The following PLCB1 variants were observed in gnomAD, a reference collection of about 807,000 sequenced individuals.
The protein encoded by PLCB1 is 1-phosphatidylinositol 4,5-bisphosphate phosphodiesterase beta-1.
PLCB1 carries 46 observed loss-of-function variants against 161.8 expected under a neutral mutation model. The observed-to-expected ratio is 0.28, with a 90% CI of 0.22 to 0.36. The LOEUF (loss-of-function observed/expected upper bound fraction) is 0.36, where lower values mean the gene tolerates loss of function less well. PLCB1 is among the 10% of genes least tolerant of loss of function. PLCB1 has a pLI of 1.00. For synonymous variants in PLCB1, 517 were observed against 503.7 expected (o/e 1.03, Z -0.35); for missense variants, 1,016 against 1,472.5 (o/e 0.69, Z 5.07).
At chr20:8,287,426 C>T (rs1983171261) in intron 2 of PLCB1, among the ~76,000 whole-genome samples, 1 of 151,928 alleles carries the variant, frequency 6.6e-6, no homozygotes, top group African/African-American at 2.4e-5. Flanking sequence ...TAACTGCCAC[C>T]CCCAATACCT....
At chr20:8,761,288 T>C (rs1982010954) in intron 25 of PLCB1, among the ~76,000 whole-genome samples, 1 of 152,206 alleles carries the variant, frequency 6.6e-6, no homozygotes, top group Admixed American at 6.5e-5. Flanking sequence ...ATTTGGATTA[T>C]ACTTGGTGGG....
At chr20:8,702,509 G>A (rs568087128) in intron 11 of PLCB1, among the ~76,000 whole-genome samples, 79 of 152,278 alleles carry the variant, frequency 5.2e-4, no homozygotes, top group Middle Eastern at 6.8e-3. Flanking sequence ...TTCATTCCCT[G>A]AGAAAAACAA....
chr20:8,814,357 C>T (rs1303631059), intron 31 of PLCB1, among the ~76,000 whole-genome samples: 5 of 152,120 alleles, frequency 3.3e-5, no homozygotes, highest in Admixed American at 2.0e-4. Context: ...TATTACATTT[C>T]GAGAATGAAT....
At chr20:8,659,119 T>C (rs1162166505) in intron 9 of PLCB1, among the ~76,000 whole-genome samples, 1 of 152,120 alleles carries the variant, frequency 6.6e-6, no homozygotes, top group Non-Finnish European at 1.5e-5. Flanking sequence ...CCTTATCTTT[T>C]TCCAGTATAT....
intron 2 of PLCB1, among the ~76,000 whole-genome samples, chr20:8,272,701 G>A (rs904880727): frequency 1.3e-5 from 2 of 152,134 alleles, no homozygotes; most frequent in African/African-American, 2.4e-5. Flanking sequence ...CTAAGGAAAT[G>A]TCCTCGCACC....
At chr20:8,428,583 A>C (rs1056037566) in intron 3 of PLCB1, among the ~76,000 whole-genome samples, 9 of 152,238 alleles carry the variant, frequency 5.9e-5, no homozygotes, top group Non-Finnish European at 1.3e-4. Context: ...AAAAGTGTGC[A>C]GTGTCAATAA....
At chr20:8,225,872 T>C (rs927064034) in intron 2 of PLCB1, among the ~76,000 whole-genome samples, 4 of 152,270 alleles carry the variant, frequency 2.6e-5, no homozygotes, top group Non-Finnish European at 5.9e-5. Flanking sequence ...AGTTTATCTT[T>C]GTTTAAGCTG....
At chr20:8,416,021 C>G (rs1361771744) in intron 3 of PLCB1, among the ~76,000 whole-genome samples, 1 of 152,156 alleles carries the variant, frequency 6.6e-6, no homozygotes, top group Non-Finnish European at 1.5e-5. Context: ...ATATTTCTTT[C>G]TTTTTTCTGA....
intron 31 of PLCB1, among the ~76,000 whole-genome samples, chr20:8,874,225 TACACACACACACAC>T: frequency 7.5e-6 from 1 of 132,564 alleles, no homozygotes; most frequent in East Asian, 2.3e-4. Context: ...TATGTGTATG[TACACACACACACAC>T]ACACACACAC....
rs1329303662 is a variant in PLCB1, at chr20:8,632,030, TTTTGC to T, written c.384+3603_384+3607del. 2.4e-4 allele frequency among the ~76,000 whole-genome samples: 22 copies of T among 92,378 alleles called. No individual in the cohort carries two copies. The Admixed American group carries it at 2.5e-3, about 10-fold the overall frequency. 60.6% of individuals were successfully genotyped at this position (92,378 alleles called of 152,430 possible). ...CCTGGAGGAGACAAATATGGGTTTT[TTTTGC>T]TTTTTTTTTTTTTTTTTTTTTTTTT... On this transcript the variant is annotated intron_variant, in intron 4 of 31. Transcript: ENST00000338037.
chr20:8,803,431 ATTTTTTT>A (rs11404680), intron 31 of PLCB1, among the ~76,000 whole-genome samples: 2 of 138,366 alleles, frequency 1.4e-5, no homozygotes, highest in African/African-American at 5.4e-5. Context: ...TGGGCCTTTG[ATTTTTTT>A]TTTTTTTTTT....
intron 2 of PLCB1, among the ~76,000 whole-genome samples, chr20:8,355,308 A>G (rs1986329395): frequency 6.6e-6 from 1 of 152,100 alleles, no homozygotes; most frequent in East Asian, 1.9e-4. Flanking sequence ...TAAATGCCAG[A>G]GTTTCAATAG....
intron 3 of PLCB1, among the ~76,000 whole-genome samples, chr20:8,379,038 G>A (rs1275043874): frequency 6.6e-6 from 1 of 151,854 alleles, no homozygotes; most frequent in Non-Finnish European, 1.5e-5. Context: ...TGTTACATAG[G>A]TATACGCATG....
chr20:8,810,019 A>G (rs144274115), intron 31 of PLCB1, among the ~76,000 whole-genome samples: 2,060 of 152,250 alleles, frequency 0.014, 25 homozygotes, highest in Middle Eastern at 0.034. Context: ...TTTTCCTCTA[A>G]AAGTTTTATG....
intron 31 of PLCB1, among the ~76,000 whole-genome samples, chr20:8,818,051 A>T (rs1985161117): frequency 1.3e-5 from 2 of 152,224 alleles, no homozygotes; most frequent in African/African-American, 4.8e-5. Flanking sequence ...TGGTAGAGAG[A>T]TCAAGAGGCA....
chr20:8,242,722 A>T (rs1980685643), intron 2 of PLCB1, among the ~76,000 whole-genome samples: 1 of 151,956 alleles, frequency 6.6e-6, no homozygotes, highest in Admixed American at 6.6e-5. Context: ...AGCAGGATTT[A>T]TTGACTGGTT....
At chr20:8,177,118 C>T (rs909244128) in intron 2 of PLCB1, among the ~76,000 whole-genome samples, 1 of 151,970 alleles carries the variant, frequency 6.6e-6, no homozygotes, top group South Asian at 2.1e-4. Context: ...TTTGTCCCCC[C>T]AAAAAATCAT....
intron 3 of PLCB1, among the ~76,000 whole-genome samples, chr20:8,488,454 C>T (rs1228602687): frequency 6.6e-6 from 1 of 152,188 alleles, no homozygotes; most frequent in African/African-American, 2.4e-5. Context: ...CAATTATTTT[C>T]ATCTCAGCCT....
chr20:8,193,605 T>C (rs1476284792), intron 2 of PLCB1, among the ~76,000 whole-genome samples: 2 of 152,006 alleles, frequency 1.3e-5, no homozygotes, highest in African/African-American at 4.8e-5. Context: ...CAAGGGTGGG[T>C]GTGAAAGTCT....
Sources: allele counts gnomAD v4.1 joint callset (sites outside exome capture counted in the v4.1 genomes callset), GRCh38; gene constraint gnomAD v4.1.1; transcripts MANE v1.5; gene names NCBI Gene and HGNC (gene_info 2026-07-23, HGNC 2026-07-21).